Variants in PREX1 observed in about 807,000 individuals in gnomAD.
PREX1 encodes phosphatidylinositol 3,4,5-trisphosphate-dependent Rac exchanger 1 protein.
In PREX1, 41 loss-of-function variants were observed where a neutral mutation model predicts 198.3. That is an observed-to-expected ratio of 0.21 (90% confidence interval 0.16 to 0.27). The LOEUF (loss-of-function observed/expected upper bound fraction) is 0.27, where lower values mean the gene tolerates loss of function less well. PREX1 is among the 10% of genes least tolerant of loss of function. The pLI is 1.00. For missense variants in PREX1, 1,620 were observed against 2,200.7 expected (o/e 0.74, Z 5.28); for synonymous variants, 843 against 887.2 (o/e 0.95, Z 0.89).
At chr20:48,826,637 T>G (rs1194390605) in intron 1 of PREX1, among the ~76,000 whole-genome samples, 1 of 152,156 alleles carries the variant, frequency 6.6e-6, no homozygotes, top group African/African-American at 2.4e-5. Flanking sequence ...GGCGGATCAC[T>G]TGAGGCCAGG....
intron 2 of PREX1, among the ~76,000 whole-genome samples, chr20:48,746,983 CACACACACACACACACACACACACACA>C (rs1399014440): frequency 2.1e-5 from 3 of 144,410 alleles, no homozygotes; most frequent in Non-Finnish European, 3.0e-5. Flanking sequence ...CACACACACA[CACACACACACACACACACACACACACA>C]CCCCACCCCC....
At chr20:48,644,641 G>C (rs1443205331) in intron 26 of PREX1, 144 bp from the exon 27 acceptor site, 1 of 693,456 alleles carries the variant, frequency 1.4e-6, no homozygotes, top group Non-Finnish European at 2.3e-6. Flanking sequence ...CCGAGCACCG[G>C]TCCTGGGTCC....
Position 48,707,731 on chromosome 20 carries a change from C to T in PREX1, c.783+529G>A, listed in dbSNP as rs117265452. On this transcript the variant is annotated intron_variant, in intron 6 of 39. Transcript: ENST00000371941. ...GGCTTAAATCCAATGATCTCAAGAACCCCATCCCCTAATAATCATGATAGT... is the reference window on the plus strand; with the variant it reads ...GGCTTAAATCCAATGATCTCAAGAATCCCATCCCCTAATAATCATGATAGT... Among the ~76,000 whole-genome samples, 352 of 152,284 alleles carry T rather than the reference C, an allele frequency of 2.3e-3. 4 individuals are homozygous for T. In the East Asian group the frequency reaches 0.044, roughly 19 times the overall value.
At chr20:48,693,752 C>T (rs1354723549) in intron 7 of PREX1, among the ~76,000 whole-genome samples, 3 of 151,748 alleles carry the variant, frequency 2.0e-5, no homozygotes, top group African/African-American at 2.4e-5. Context: ...GGACTACAGG[C>T]ATGTCTCACC....
intron 14 of PREX1, among the ~76,000 whole-genome samples, chr20:48,672,597 C>T (rs934629848): frequency 6.6e-6 from 1 of 152,266 alleles, no homozygotes. Flanking sequence ...CGCCACTCCT[C>T]TCCCCTCTCA....
intron 1 of PREX1, among the ~76,000 whole-genome samples, chr20:48,781,076 A>G (rs1371207568): frequency 6.6e-5 from 10 of 152,224 alleles, no homozygotes; most frequent in African/African-American, 2.2e-4. Flanking sequence ...TGTCAAGGTC[A>G]TGAAAGGCAA....
intron 1 of PREX1, among the ~76,000 whole-genome samples, chr20:48,763,972 G>A (rs1322382126): frequency 1.3e-5 from 2 of 152,140 alleles, no homozygotes; most frequent in South Asian, 2.1e-4. Flanking sequence ...AGTGGCTGAC[G>A]CGGCAGCCTC....
chr20:48,664,415 G>GTCA (rs1483531137), intron 15 of PREX1, among the ~76,000 whole-genome samples: 11 of 151,954 alleles, frequency 7.2e-5, no homozygotes, highest in Admixed American at 5.9e-4. Flanking sequence ...TAGGAGCAGA[G>GTCA]TGATGACGGG....
chr20:48,847,884 G>A, the PREX1 span, among the ~76,000 whole-genome samples: 1 of 152,052 alleles, frequency 6.6e-6, no homozygotes, highest in Non-Finnish European at 1.5e-5. Context: ...TTTTGTGTCT[G>A]GTTTCTTTCA....
chr20:48,679,095 G>T (rs1481263032), intron 13 of PREX1, among the ~76,000 whole-genome samples: 1 of 152,198 alleles, frequency 6.6e-6, no homozygotes, highest in Admixed American at 6.5e-5. Context: ...AAGTAACTCT[G>T]CCCAAGGTCA....
chr20:48,807,079 G>C (rs2090415005), intron 1 of PREX1, among the ~76,000 whole-genome samples: 1 of 152,200 alleles, frequency 6.6e-6, no homozygotes, highest in Non-Finnish European at 1.5e-5. Context: ...ACAACTGGCA[G>C]GGAACTGTCT....
At chr20:48,636,830 C>T in intron 31 of PREX1, 147 bp from the exon 32 acceptor site, 2 of 696,566 alleles carry the variant, frequency 2.9e-6, no homozygotes, top group South Asian at 4.2e-5. Flanking sequence ...TGGTGGACAT[C>T]CCAGCCACCA....
intron 6 of PREX1, among the ~76,000 whole-genome samples, chr20:48,706,572 T>C (rs1435407613): frequency 6.6e-6 from 1 of 152,144 alleles, no homozygotes; most frequent in African/African-American, 2.4e-5. Flanking sequence ...CCCCACTAAC[T>C]ACCCTGGCCA....
At chr20:48,810,660 G>A (rs934337168) in intron 1 of PREX1, among the ~76,000 whole-genome samples, 2 of 151,068 alleles carry the variant, frequency 1.3e-5, no homozygotes, top group African/African-American at 4.9e-5. Context: ...GCTGAAGCAG[G>A]TGGATCATCT....
At chr20:48,723,506 G>A (rs954730001) in intron 5 of PREX1, among the ~76,000 whole-genome samples, 1 of 152,188 alleles carries the variant, frequency 6.6e-6, no homozygotes, top group Non-Finnish European at 1.5e-5. Context: ...GCCCCAACGG[G>A]AGTCTAAGGC....
At chr20:48,632,217 T>C (rs930473467) in intron 35 of PREX1, 60 bp downstream of exon 35, 35 of 1,524,720 alleles carry the variant, frequency 2.3e-5, no homozygotes, top group Non-Finnish European at 3.1e-5. Context: ...TCCATGCTAA[T>C]GCCCACTCCA....
At chr20:48,708,947 A>T (rs945198588) in intron 5 of PREX1, among the ~76,000 whole-genome samples, 1 of 152,140 alleles carries the variant, frequency 6.6e-6, no homozygotes. Context: ...AGATGGGCAT[A>T]AAAAATACCC....
chr20:48,741,354 T>TTTTTG (rs1249207784), intron 3 of PREX1, among the ~76,000 whole-genome samples: 1 of 151,802 alleles, frequency 6.6e-6, no homozygotes, highest in Non-Finnish European at 1.5e-5. Flanking sequence ...TTTATTTTAT[T>TTTTTG]TTTTGTTTTG....
At chr20:48,700,998 A>G in intron 6 of PREX1, 112 bp from the exon 7 acceptor site, 1 of 1,409,324 alleles carries the variant, frequency 7.1e-7, no homozygotes, top group Non-Finnish European at 9.9e-7. Context: ...CTCCACCAGC[A>G]AGTCTGTCAA....
Sources: gnomAD v4.1 joint callset for allele counts (sites outside exome capture counted in the v4.1 genomes callset) on GRCh38, gnomAD v4.1.1 for gene constraint, MANE v1.5 for transcripts, NCBI Gene and HGNC (gene_info 2026-07-23, HGNC 2026-07-21) for gene names.